Variants in IL6ST observed in about 807,000 individuals in gnomAD.
The protein encoded by IL6ST is interleukin-6 receptor subunit beta.
A neutral mutation model predicts 91.3 loss-of-function variants in IL6ST; 24 were observed. That is an observed-to-expected ratio of 0.26 (90% CI 0.19 to 0.37). The LOEUF is 0.37. Among genes scored for constraint, IL6ST ranks in the 10% least tolerant of loss-of-function variants. The probability of loss-of-function intolerance (pLI) is 1.00; values close to 1 mark genes in which losing one functional copy is unlikely to be tolerated. For synonymous variants in IL6ST, 351 were observed against 373.6 expected, an observed-to-expected ratio of 0.94 and a Z score of 0.70; for missense variants, 914 against 1,078.5, an observed-to-expected ratio of 0.85 and a Z score of 2.14.
intron 8 of IL6ST, among the ~76,000 whole-genome samples, chr5:55,958,422 T>C (rs1752112721): frequency 6.6e-6 from 1 of 152,006 alleles, no homozygotes; most frequent in South Asian, 2.1e-4. Flanking sequence ...CTTATCATTG[T>C]TAAGCTTTTT....
At chr5:55,960,349 G>T in intron 8 of IL6ST, 53 bp downstream of exon 8, 1 of 1,440,088 alleles carries the variant, frequency 6.9e-7, no homozygotes, top group African/African-American at 1.4e-5. Flanking sequence ...ACCAGAACCA[G>T]TTCACATCTG....
rs1472503155 is a variant in IL6ST, at chr5:55,941,700, C to A, written c.2139G>T (p.Leu713=). 6.2e-7 allele frequency: 1 copy of A among 1,614,028 alleles called. No individual in the cohort carries two copies. Among genetic ancestry groups the A allele is most frequent in the Admixed American group, 1.7e-5 (1 of 60,008 alleles). The change falls in exon 17 of 17, where the codon CTG becomes CTT. Residue 713 remains leucine, a synonymous_variant. Coordinates refer to ENST00000381298, the MANE Select transcript of IL6ST (RefSeq NM_002184.4). ...CAGTATTAATTTTTTCCTTTTTGAA[C>A]AGGTCCAATGATTTCAGATCTTCTG... ...PFPEDLKSLD[L]FKKEKINTEG...
chr5:55,971,275 A>T (rs1232223182), intron 3 of IL6ST, among the ~76,000 whole-genome samples: 1 of 152,168 alleles, frequency 6.6e-6, no homozygotes, highest in East Asian at 1.9e-4. Context: ...CCAACTTAAC[A>T]ATAGTGCACT....
At chr5:55,987,007 A>G (rs1754012676) in intron 1 of IL6ST, among the ~76,000 whole-genome samples, 1 of 152,204 alleles carries the variant, frequency 6.6e-6, no homozygotes, top group Non-Finnish European at 1.5e-5. Flanking sequence ...CTCTACAAAA[A>G]ATAAAAAGTT....
rs1750845214 is a variant in IL6ST, at chr5:55,940,621, T to A, written c.*461A>T. 4.6e-6 allele frequency: 1 copy of A among 217,684 alleles called. No homozygotes were observed. Among genetic ancestry groups the A allele is most frequent in the Non-Finnish European group, 9.2e-6 (1 of 108,296 alleles). 13.5% of individuals were successfully genotyped at this position (217,684 alleles called of 1,614,324 possible). A position where few individuals can be genotyped will look rare whatever the true frequency, so the allele number is the denominator to read the frequency against. The stretch of plus-strand genomic sequence containing the variant: ...ATGGCCTATGGACCTCTTTTTAAGT[T>A]ATTTTAGCAGAAGTAGATGATGGTC... On this transcript the variant is annotated 3_prime_UTR_variant, in exon 17 of 17. Coordinates refer to ENST00000381298, the MANE Select transcript of IL6ST (RefSeq NM_002184.4).
chr5:55,943,602 A>G (rs1470007171), intron 15 of IL6ST, among the ~76,000 whole-genome samples: 4 of 152,212 alleles, frequency 2.6e-5, no homozygotes, highest in Non-Finnish European at 5.9e-5. Context: ...TTATATGAAA[A>G]ATCAATAAAA....
rs1194277013 is a variant in IL6ST at position 55,935,693 on chromosome 5, T to C, written c.*5389A>G. The C allele has an allele frequency of 9.1e-6, 2 of 218,918 alleles. No individual in the cohort carries two copies. Among genetic ancestry groups the C allele is most frequent in the African/African-American group, 4.5e-5 (2 of 44,544 alleles). 13.6% of individuals were successfully genotyped at this position (218,918 alleles called of 1,614,324 possible). Reference sequence around the variant, plus strand: ...CTTGCCCAAGCACTGGACTTAAGTATGGAAGAGCCTATACGCAGTTGTAAT... The same window carrying C: ...CTTGCCCAAGCACTGGACTTAAGTACGGAAGAGCCTATACGCAGTTGTAAT... On this transcript the variant is annotated 3_prime_UTR_variant, in exon 17 of 17. Transcript: ENST00000381298.
At chr5:55,974,531 C>T (rs2111844979) in intron 3 of IL6ST, among the ~76,000 whole-genome samples, 1 of 152,230 alleles carries the variant, frequency 6.6e-6, no homozygotes, top group Non-Finnish European at 1.5e-5. Flanking sequence ...GTCACCCAGA[C>T]TGGAGTGCAG....
chr5:55,976,944 G>T (rs1026479750), intron 2 of IL6ST, among the ~76,000 whole-genome samples: 8 of 152,116 alleles, frequency 5.3e-5, no homozygotes, highest in African/African-American at 1.2e-4. Flanking sequence ...ATAAGACTTG[G>T]TATTTCCACT....
At position 55,960,477 on chromosome 5, in the gene IL6ST, G is replaced by A. The variant is rs141500365; in HGVS notation, c.898C>T (p.Arg300Cys). Residue 300 changes from arginine (R) to cysteine (C), a missense_variant, in exon 8 of 17, where the codon CGC (arginine) becomes TGC (cysteine). By Grantham distance (180) the Arg-to-Cys change is radical (BLOSUM62 -3). Coordinates refer to ENST00000381298, the MANE Select transcript of IL6ST (RefSeq NM_002184.4). ...KPFTEYVFRI[R>C]CMKEDGKGYW... is the part of the protein sequence containing the mutation. ...CCCTTACCATCTTCCTTCATACAGC[G>A]AATCCTAAACACATATTCTGTAAAA... 1,958 of 1,613,720 alleles carry A rather than the reference G, an allele frequency of 1.2e-3. 3 individuals carry two copies. Among genetic ancestry groups the A allele is most frequent in the Non-Finnish European group, 1.6e-3 (1,840 of 1,179,756 alleles).
intron 5 of IL6ST, among the ~76,000 whole-genome samples, chr5:55,964,792 T>C (rs1487323854): frequency 1.3e-5 from 2 of 152,176 alleles, no homozygotes; most frequent in African/African-American, 4.8e-5. Flanking sequence ...TACTTTCTGA[T>C]TTCTATCACC....
At chr5:55,994,400 T>C (rs1178675541) in intron 1 of IL6ST, among the ~76,000 whole-genome samples, 1 of 151,984 alleles carries the variant, frequency 6.6e-6, no homozygotes, top group Non-Finnish European at 1.5e-5. Flanking sequence ...GAAATCCACC[T>C]CGAGAATGAA....
intron 2 of IL6ST, 101 bp from the exon 3 acceptor site, chr5:55,976,394 A>G: frequency 5.6e-6 from 3 of 534,598 alleles, no homozygotes. Context: ...TGTTTCTAAA[A>G]GGTGGTAAAA....
At chr5:55,943,763 T>C (rs1217141423) in intron 15 of IL6ST, among the ~76,000 whole-genome samples, 5 of 151,384 alleles carry the variant, frequency 3.3e-5, no homozygotes, top group Non-Finnish European at 7.4e-5. Flanking sequence ...CAAGTAGTAG[T>C]AAAGGGGAAA....
In IL6ST at chr5:55,992,771, T is replaced by C. The variant is rs1047907304; in HGVS notation, c.-104+2013A>G. ...CAACTTCTGGTAAATCCTTTGCTCA[T>C]TCCAATCCTTAAATGCTCACTCCAA... On this transcript the variant is annotated intron_variant, in intron 1 of 16. Coordinates refer to ENST00000381298, the MANE Select transcript of IL6ST (RefSeq NM_002184.4). Among the ~76,000 whole-genome samples, 6 of 152,316 alleles carry C rather than the reference T, an allele frequency of 3.9e-5. No homozygotes were observed. The East Asian group carries it at 1.2e-3, about 29-fold the overall frequency.
chr5:55,941,166 A>G lies in IL6ST; in HGVS notation c.2673T>C (p.Val891=). The change falls in exon 17 of 17, where the codon GTT becomes GTC. Residue 891 remains valine, a synonymous_variant. Coordinates refer to ENST00000381298, the MANE Select transcript of IL6ST (RefSeq NM_002184.4). The part of the protein sequence containing the change: ...TEGQVERFET[V]GMEAATDEGM... The stretch of plus-strand genomic sequence containing the variant: ...CTTCATCAGTCGCAGCCTCCATGCC[A>G]ACTGTTTCAAATCTTTCTACTTGTC... The G allele has an allele frequency of 6.2e-7, 1 of 1,614,130 alleles. No individual in the cohort carries two copies. The highest frequency in any genetic ancestry group is 1.1e-5 in the South Asian group (1 of 91,088).
intron 11 of IL6ST, among the ~76,000 whole-genome samples, chr5:55,953,965 C>G (rs1206870704): frequency 6.6e-6 from 1 of 152,166 alleles, no homozygotes; most frequent in Non-Finnish European, 1.5e-5. Context: ...CTAGCCTAGG[C>G]AACAGAGTGA....
intron 2 of IL6ST, among the ~76,000 whole-genome samples, chr5:55,982,117 A>G (rs1157395453): frequency 1.3e-5 from 2 of 152,216 alleles, no homozygotes; most frequent in Non-Finnish European, 2.9e-5. Flanking sequence ...GTGAGAGAAA[A>G]AGCAGTAGAG....
chr5:55,959,723 T>TG (rs1233453045), intron 8 of IL6ST: 2 of 926,176 alleles, frequency 2.2e-6, no homozygotes. Context: ...TTTTTGATAG[T>TG]GGGGATCTAA....
Sources: gnomAD v4.1 joint callset for allele counts (sites outside exome capture counted in the v4.1 genomes callset) on GRCh38, gnomAD v4.1.1 for gene constraint, MANE v1.5 for transcripts, NCBI Gene and HGNC (gene_info 2026-07-23, HGNC 2026-07-21) for gene names.